ANO2: variants seen among roughly 807,000 people sequenced by gnomAD.
ANO2 encodes anoctamin 2.
ANO2 carries 101 observed loss-of-function variants against 124.2 expected under a neutral mutation model. The observed-to-expected ratio is 0.81, with a 90% CI of 0.69 to 0.96. The LOEUF is 0.96. ANO2 is among the 40% of genes least tolerant of loss of function. The probability of loss-of-function intolerance (pLI) is 0.00; values close to 1 mark genes in which losing one functional copy is unlikely to be tolerated. For missense variants in ANO2, 1,293 were observed against 1,274.5 expected (o/e 1.01, Z -0.22); for synonymous variants, 486 against 482.5 (o/e 1.01, Z -0.09).
chr12:5,788,265 C>G (rs1952594199), intron 10 of ANO2, among the ~76,000 whole-genome samples: 1 of 152,218 alleles, frequency 6.6e-6, no homozygotes, highest in South Asian at 2.1e-4. Context: ...CCCAAAGACA[C>G]ATGAACACAA....
intron 1 of ANO2, among the ~76,000 whole-genome samples, chr12:5,932,040 A>ACT (rs771740300): frequency 2.6e-5 from 2 of 76,552 alleles, no homozygotes; most frequent in African/African-American, 4.5e-5. Flanking sequence ...AAGAAGACAG[A>ACT]AAAGGAAGGA....
intron 3 of ANO2, among the ~76,000 whole-genome samples, chr12:5,885,844 A>G (rs551326603): frequency 6.6e-6 from 1 of 152,326 alleles, no homozygotes; most frequent in South Asian, 2.1e-4. Context: ...CACCTACTCA[A>G]GAAAGGGGTC....
chr12:5,823,933 A>G (rs1397495669), intron 7 of ANO2, among the ~76,000 whole-genome samples: 2 of 152,248 alleles, frequency 1.3e-5, no homozygotes, highest in Non-Finnish European at 2.9e-5. Flanking sequence ...GGAAGCTGCC[A>G]AGGCTTGGGG....
At chr12:5,749,804 T>C (rs941004014) in intron 11 of ANO2, among the ~76,000 whole-genome samples, 7 of 152,220 alleles carry the variant, frequency 4.6e-5, no homozygotes, top group Non-Finnish European at 8.8e-5. Flanking sequence ...CCTTTAATCC[T>C]TACAACACTA....
chr12:5,615,193 T>C lies in ANO2; in HGVS notation c.1921A>G (p.Lys641Glu), dbSNP rs756665304. 2 of 1,613,098 alleles carry C rather than the reference T, an allele frequency of 1.2e-6. No homozygotes were observed. Among genetic ancestry groups the C allele is most frequent in the Non-Finnish European group, 1.7e-6 (2 of 1,179,516 alleles). ...TGACACCATTATACTCACCTCCCTT[T>C]GAAAAAGGCCACATAGAAGATGGGG... The part of the protein sequence containing the change: ...YSPIFYVAFF[K>E]GRFVGRPGSY... Residue 641 changes from lysine to glutamate, a missense_variant, in exon 17 of 25, where the codon AAA becomes GAA. Physicochemically the swap from Lys to Glu is moderately conservative, Grantham distance 56 (BLOSUM62 1). Coordinates refer to ENST00000682330, the MANE Select transcript of ANO2 (RefSeq NM_001364791.2).
At chr12:5,579,998 G>T (rs1349449376) in intron 20 of ANO2, among the ~76,000 whole-genome samples, 1 of 152,142 alleles carries the variant, frequency 6.6e-6, no homozygotes, top group Non-Finnish European at 1.5e-5. Flanking sequence ...TGATTGACTT[G>T]CTCACACATC....
intron 19 of ANO2, among the ~76,000 whole-genome samples, chr12:5,604,777 G>C (rs1185445482): frequency 6.6e-6 from 1 of 152,004 alleles, no homozygotes; most frequent in Non-Finnish European, 1.5e-5. Flanking sequence ...CTCCAGAGCA[G>C]AATTTAACAG....
chr12:5,907,951 C>T (rs1940805802), intron 3 of ANO2, among the ~76,000 whole-genome samples: 1 of 152,238 alleles, frequency 6.6e-6, no homozygotes, highest in Non-Finnish European at 1.5e-5. Context: ...GATGCCAGAC[C>T]CTGCTCACAG....
chr12:5,899,333 T>C (rs771599505), intron 3 of ANO2, among the ~76,000 whole-genome samples: 1 of 152,132 alleles, frequency 6.6e-6, no homozygotes, highest in South Asian at 2.1e-4. Flanking sequence ...ACACACTTAG[T>C]GGGTTAGCAG....
At chr12:5,616,845 C>A (rs144467348) in intron 16 of ANO2, among the ~76,000 whole-genome samples, 2 of 152,128 alleles carry the variant, frequency 1.3e-5, no homozygotes, top group Non-Finnish European at 2.9e-5. Context: ...CTGTACAACA[C>A]TCTCCAGATC....
chr12:5,688,835 G>A (rs539661546), intron 14 of ANO2, among the ~76,000 whole-genome samples: 4 of 131,362 alleles, frequency 3.0e-5, no homozygotes, highest in South Asian at 2.4e-4. Context: ...TTTTTTGGTC[G>A]GAGCTTCTCA....
intron 23 of ANO2, among the ~76,000 whole-genome samples, chr12:5,566,040 A>T (rs746310455): frequency 5.9e-5 from 9 of 151,840 alleles, no homozygotes; most frequent in Non-Finnish European, 1.3e-4. Context: ...GGTAGGGGAG[A>T]CCCAGACACC....
chr12:5,574,284 T>C (rs1485225811), intron 23 of ANO2, among the ~76,000 whole-genome samples: 2 of 152,154 alleles, frequency 1.3e-5, no homozygotes, highest in Non-Finnish European at 2.9e-5. Flanking sequence ...CTTGGGTAAA[T>C]AGTGGAGAGT....
chr12:5,840,087 T>C (rs1303418725), intron 4 of ANO2, among the ~76,000 whole-genome samples: 2 of 152,174 alleles, frequency 1.3e-5, no homozygotes, highest in African/African-American at 4.8e-5. Flanking sequence ...GTGGCATCAT[T>C]ATTACTGTCA....
rs1942832959 is a variant in ANO2, at chr12:5,582,918, C to G, written c.2234-4400G>C. On this transcript the variant is annotated intron_variant, in intron 20 of 24. Transcript: ENST00000682330. ...CCACCTCCATTTCCCACCAGCACTG[C>G]AGGTGGAACTCGGTGCCTTGGGCAT... is the stretch of plus-strand genomic sequence containing the variant. 2.0e-5 allele frequency among the ~76,000 whole-genome samples: 3 copies of G among 152,168 alleles called. No homozygotes were observed. In the South Asian group the frequency reaches 6.2e-4, roughly 32 times the overall value.
chr12:5,853,354 AAC>A (rs907413324), intron 4 of ANO2, among the ~76,000 whole-genome samples: 12 of 151,056 alleles, frequency 7.9e-5, no homozygotes, highest in Admixed American at 2.0e-4. Context: ...AAAAAAAAAA[AAC>A]TACCTCAAAC....
intron 16 of ANO2, among the ~76,000 whole-genome samples, chr12:5,618,423 T>C (rs1419582799): frequency 2.0e-5 from 3 of 152,152 alleles, no homozygotes; most frequent in African/African-American, 4.8e-5. Context: ...GCACTGTCAT[T>C]ATCTCACTTA....
chr12:5,889,682 TGGC>T (rs1289429886), intron 3 of ANO2, among the ~76,000 whole-genome samples: 1 of 152,248 alleles, frequency 6.6e-6, no homozygotes, highest in Non-Finnish European at 1.5e-5. Context: ...TGTGATATGC[TGGC>T]CACCAGACAG....
chr12:5,931,003 T>C (rs1197828705), intron 1 of ANO2, among the ~76,000 whole-genome samples: 3 of 152,140 alleles, frequency 2.0e-5, no homozygotes, highest in Non-Finnish European at 4.4e-5. Context: ...ATCCTTGCCT[T>C]GTTCCCCTCT....
Sources: gnomAD v4.1 joint callset for allele counts (sites outside exome capture counted in the v4.1 genomes callset) on GRCh38, gnomAD v4.1.1 for gene constraint, MANE v1.5 for transcripts, NCBI Gene and HGNC (gene_info 2026-07-23, HGNC 2026-07-21) for gene names.